Variants in KLF13 observed in about 807,000 individuals in gnomAD.
The protein encoded by KLF13 is KLF transcription factor 13, also known as Krueppel-like factor 13.
In KLF13, 8 loss-of-function variants were observed where a neutral mutation model predicts 16.7. The ratio of observed to expected loss-of-function variants is 0.48; its 90% confidence interval spans 0.28 to 0.87. The LOEUF (loss-of-function observed/expected upper bound fraction) is 0.87, where lower values mean the gene tolerates loss of function less well. Among genes scored for constraint, KLF13 ranks in the 40% least tolerant of loss-of-function variants. The probability of loss-of-function intolerance (pLI) is 0.10; values close to 1 mark genes in which losing one functional copy is unlikely to be tolerated. For synonymous variants in KLF13, 245 were observed against 208.4 expected (o/e 1.18, Z -1.51); for missense variants, 447 against 452.2 (o/e 0.99, Z 0.10).
chr15:31,431,270 A>G (rs1485352335), intron 1 of KLF13, among the ~76,000 whole-genome samples: 1 of 152,062 alleles, frequency 6.6e-6, no homozygotes, highest in Non-Finnish European at 1.5e-5. Context: ...AACTGTGAAA[A>G]ATAAGTGCTT....
chr15:31,406,331 A>C (rs901174402), downstream of KLF13, among the ~76,000 whole-genome samples: 3 of 152,058 alleles, frequency 2.0e-5, no homozygotes, highest in Non-Finnish European at 2.9e-5. Flanking sequence ...ACAAAAATTA[A>C]CCAGGTGAGG....
exon 2 of KLF13, chr15:31,393,671 A>G (rs1281499223): frequency 1.3e-5 from 2 of 152,448 alleles, no homozygotes; most frequent in African/African-American, 4.8e-5. Context: ...CCAGCCAGGC[A>G]TCGCTGCTTT....
chr15:31,364,888 CTCCTA>C (rs760751084), intron 1 of KLF13, among the ~76,000 whole-genome samples: 1 of 152,200 alleles, frequency 6.6e-6, no homozygotes, highest in Non-Finnish European at 1.5e-5. Context: ...GTCAAATGGC[CTCCTA>C]AGGAGTTAGG....
At chr15:31,429,100 T>C (rs868527988) in intron 1 of KLF13, among the ~76,000 whole-genome samples, 1 of 152,142 alleles carries the variant, frequency 6.6e-6, no homozygotes. Context: ...ACAGGAGTCT[T>C]CTAAGGATGG....
chr15:31,357,226 G>C (rs1456633736), intron 1 of KLF13, among the ~76,000 whole-genome samples: 1 of 152,194 alleles, frequency 6.6e-6, no homozygotes, highest in Non-Finnish European at 1.5e-5. Flanking sequence ...TGCGGTTCTT[G>C]TTTCCGCCAG....
At chr15:31,350,637 C>G (rs955745334) in intron 1 of KLF13, among the ~76,000 whole-genome samples, 5 of 152,250 alleles carry the variant, frequency 3.3e-5, no homozygotes, top group Non-Finnish European at 5.9e-5. Context: ...AAGGTGGTCT[C>G]TGGCCCAACT....
At chr15:31,340,675 C>T (rs958358086) in intron 1 of KLF13, among the ~76,000 whole-genome samples, 4 of 152,120 alleles carry the variant, frequency 2.6e-5, no homozygotes, top group African/African-American at 9.7e-5. Flanking sequence ...AGGAGAATTG[C>T]TTGAGCCCAG....
At chr15:31,371,925 T>C in intron 1 of KLF13, 85 bp from the exon 2 acceptor site, 3 of 1,406,058 alleles carry the variant, frequency 2.1e-6, no homozygotes, top group Non-Finnish European at 2.9e-6. Flanking sequence ...GAGACCAGGG[T>C]GTTGGGTGTT....
At chr15:31,413,198 A>G in intron 1 of KLF13, among the ~76,000 whole-genome samples, 1 of 147,332 alleles carries the variant, frequency 6.8e-6, no homozygotes, top group African/African-American at 2.5e-5. Flanking sequence ...AAAAAAAAAA[A>G]AAAACAAAAA....
At chr15:31,351,733 C>T (rs570058342) in intron 1 of KLF13, among the ~76,000 whole-genome samples, 4 of 152,148 alleles carry the variant, frequency 2.6e-5, no homozygotes, top group African/African-American at 9.7e-5. Flanking sequence ...TTTTGCACAC[C>T]GGGCGCGGTG....
chr15:31,339,810 C>T lies in KLF13; in HGVS notation c.577+12021C>T, dbSNP rs987522433. On this transcript the variant is annotated intron_variant, in intron 1 of 1. Transcript: ENST00000307145. ...TGGGCTGGCTGCGCCCAGTGGATGTCCTCCCGCCCCCCGCCTGCTGTCTCG... is the reference window on the plus strand; with the variant it reads ...TGGGCTGGCTGCGCCCAGTGGATGTTCTCCCGCCCCCCGCCTGCTGTCTCG... 8.0e-6 allele frequency: 5 copies of T among 625,890 alleles called. No homozygotes were observed. In the Admixed American group the frequency reaches 1.2e-4, roughly 15 times the overall value. 38.8% of individuals were successfully genotyped at this position (625,890 alleles called of 1,614,324 possible). A position where few individuals can be genotyped will look rare whatever the true frequency, so the allele number is the denominator to read the frequency against.
Position 31,394,355 on chromosome 15 carries a change from C to T in KLF13, n.529+664C>T, listed in dbSNP as rs1468000369. On this transcript the variant is annotated intron_variant and non_coding_transcript_variant, in intron 2 of 2. Coordinates refer to the KLF13 transcript ENST00000500533. ...ACAAAAAATTAGCCTGGCGTGGTGG[C>T]GGGCACCTGTAGTCCCAGCTACTCG... Among the ~76,000 whole-genome samples the T allele has an allele frequency of 2.0e-5, 3 of 151,814 alleles. No homozygotes were observed. The East Asian group carries it at 5.8e-4, about 29-fold the overall frequency.
rs1357758172 is a variant in KLF13, at chr15:31,370,037, CCTTTTT to C, written c.578-1966_578-1961del. 4.0e-5 allele frequency among the ~76,000 whole-genome samples: 6 copies of C among 148,788 alleles called. No homozygotes were observed. The East Asian group carries it at 5.8e-4, about 14-fold the overall frequency. ...CCTGTCTCATGTTAGTTTCCTGTCTCCTTTTTCTTTTTTTTTTTTTTTTTTTTTTAC... is the reference window on the plus strand; with the variant it reads ...CCTGTCTCATGTTAGTTTCCTGTCTCCTTTTTTTTTTTTTTTTTTTTTTAC... On this transcript the variant is annotated intron_variant, in intron 1 of 1. Coordinates refer to ENST00000307145, the MANE Select transcript of KLF13 (RefSeq NM_015995.4).
rs184240646 is a variant in KLF13, at chr15:31,354,834, T to A, written c.578-17176T>A. Among the ~76,000 whole-genome samples, 392 of 152,188 alleles carry A rather than the reference T, an allele frequency of 2.6e-3. 2 individuals are homozygous for A. The highest frequency in any genetic ancestry group is 9.3e-3 in the African/African-American group (384 of 41,508). ...TCCTCTCCAGTTGTTTTGAAGGAAA[T>A]CCCAGATGCAATATCAATTTGTCCA... On this transcript the variant is annotated intron_variant, in intron 1 of 1. Coordinates refer to ENST00000307145, the MANE Select transcript of KLF13 (RefSeq NM_015995.4).
At chr15:31,423,133 G>GTATATATATGTATA (rs771153714) in intron 1 of KLF13, among the ~76,000 whole-genome samples, 2 of 95,646 alleles carry the variant, frequency 2.1e-5, no homozygotes, top group Admixed American at 1.1e-4. Context: ...GTATATATAC[G>GTATATATATGTATA]TATACGTATA....
downstream of KLF13, among the ~76,000 whole-genome samples, chr15:31,406,621 T>A (rs1333393322): frequency 1.3e-5 from 2 of 152,166 alleles, no homozygotes; most frequent in Non-Finnish European, 2.9e-5. Flanking sequence ...TGCAACAATA[T>A]AAATTTATTC....
chr15:31,411,368 T>C (rs1472773004), intron 1 of KLF13, among the ~76,000 whole-genome samples: 1 of 151,944 alleles, frequency 6.6e-6, no homozygotes, highest in Non-Finnish European at 1.5e-5. Flanking sequence ...ATTCAATCAA[T>C]GTAACTTACC....
chr15:31,392,254 C>G (rs141535978), upstream of KLF13, among the ~76,000 whole-genome samples: 40 of 152,376 alleles, frequency 2.6e-4, no homozygotes, highest in African/African-American at 8.9e-4. Context: ...TAAGGATTGT[C>G]ACTGTGCTTT....
intron 1 of KLF13, among the ~76,000 whole-genome samples, chr15:31,361,630 A>G (rs1288582410): frequency 6.6e-6 from 1 of 152,020 alleles, no homozygotes; most frequent in Non-Finnish European, 1.5e-5. Flanking sequence ...GTGGGCCACG[A>G]TGGTTGCCAA....
Sources: gnomAD v4.1 joint callset for allele counts (sites outside exome capture counted in the v4.1 genomes callset) on GRCh38, gnomAD v4.1.1 for gene constraint, MANE v1.5 for transcripts, NCBI Gene and HGNC (gene_info 2026-07-23, HGNC 2026-07-21) for gene names.